The following RGS22 variants were observed in gnomAD, a reference collection of about 807,000 sequenced individuals.
RGS22 encodes the protein regulator of G protein signaling 22, also known as regulator of G-protein signaling 22.
A neutral mutation model predicts 172.9 loss-of-function variants in RGS22; 148 were observed. The ratio of observed to expected loss-of-function variants is 0.86; its 90% CI spans 0.75 to 0.98. The LOEUF (loss-of-function observed/expected upper bound fraction) is 0.98. Ranked by LOEUF, RGS22 falls within the 50% of genes least tolerant of loss-of-function variation. The pLI is 0.00. For synonymous variants in RGS22, 458 were observed against 480.2 expected, an observed-to-expected ratio of 0.95 and a Z score of 0.60; for missense variants, 1,347 against 1,440.8, an observed-to-expected ratio of 0.93 and a Z score of 1.05.
chr8:100,012,970 C>T (rs953482550), intron 14 of RGS22, among the ~76,000 whole-genome samples: 7 of 147,532 alleles, frequency 4.7e-5, no homozygotes, highest in African/African-American at 1.0e-4. Flanking sequence ...ATCAGGATAA[C>T]GCCTTTGATT....
At chr8:100,052,647 A>T (rs72676292) in intron 10 of RGS22, among the ~76,000 whole-genome samples, 155 bp downstream of exon 10, 4,017 of 152,262 alleles carry the variant, frequency 0.026, 94 homozygotes, top group South Asian at 0.12. Flanking sequence ...GGTAGAGAAC[A>T]GACTGTAGGT....
chr8:100,090,612 T>TA (rs1812504285), intron 3 of RGS22, among the ~76,000 whole-genome samples: 1 of 152,148 alleles, frequency 6.6e-6, no homozygotes, highest in Non-Finnish European at 1.5e-5. Flanking sequence ...CAAAGCACTA[T>TA]AAGTGGAGCA....
chr8:100,080,173 G>A lies in RGS22; in HGVS notation c.300C>T (p.Pro100=), dbSNP rs377393990. 68 of 1,612,148 alleles carry A rather than the reference G, an allele frequency of 4.2e-5. No individual in the cohort carries two copies. In the African/African-American group the frequency reaches 8.0e-4, roughly 19 times the overall value. ...TGACATTAATGGTCTCATCTTCATC[G>A]GGGGCATTCATTTGAACAGGTTTAA... ...NEVKPVQMNA[P]DEDETINVNY... Residue 100 remains proline (P), a synonymous_variant, in exon 4 of 28, where the codon CCC becomes CCT. Transcript: ENST00000360863.
At position 100,052,958 on chromosome 8, in the gene RGS22, A is replaced by G. The variant is rs1821838086; in HGVS notation, c.1533T>C (p.Val511=). The G allele has an allele frequency of 6.2e-7, 1 of 1,614,012 alleles. No individual in the cohort carries two copies. The highest frequency in any genetic ancestry group is 8.5e-7 in the Non-Finnish European group (1 of 1,179,940). The stretch of plus-strand genomic sequence containing the variant: ...CATATTTTGTTGAGGCTGAATGAGT[A>G]ACACAGAATCTTGGTGCCCTGTTTA... ...LLLYWAPRFC[V]THSASTKYAS... The change falls in exon 10 of 28, where the codon GTT becomes GTC. Residue 511 remains valine, a synonymous_variant. Transcript: ENST00000360863.
chr8:100,101,339 T>G (rs372689575), intron 2 of RGS22, among the ~76,000 whole-genome samples: 2 of 150,366 alleles, frequency 1.3e-5, no homozygotes, highest in African/African-American at 4.9e-5. Context: ...CAGGCTGGAG[T>G]GTGGTGGCGT....
At chr8:100,047,725 A>G in intron 10 of RGS22, 129 bp from the exon 11 acceptor site, 1 of 756,556 alleles carries the variant, frequency 1.3e-6, no homozygotes, top group Non-Finnish European at 1.9e-6. Flanking sequence ...ATGCTTCCCA[A>G]TAAAATAGAA....
chr8:100,003,639 A>G (rs1330232762), intron 17 of RGS22, among the ~76,000 whole-genome samples: 1 of 152,148 alleles, frequency 6.6e-6, no homozygotes, highest in Non-Finnish European at 1.5e-5. Context: ...AAAGAAAGAA[A>G]CAGTAGAAAA....
chr8:100,008,761 G>A (rs977248664), intron 14 of RGS22, among the ~76,000 whole-genome samples, 192 bp from the exon 15 acceptor site: 1 of 152,044 alleles, frequency 6.6e-6, no homozygotes, highest in Non-Finnish European at 1.5e-5. Context: ...TTTTCCTTTT[G>A]TTTTCCAATT....
At chr8:100,022,596 T>C (rs1282106571) in intron 14 of RGS22, among the ~76,000 whole-genome samples, 1 of 152,182 alleles carries the variant, frequency 6.6e-6, no homozygotes, top group African/African-American at 2.4e-5. Flanking sequence ...ATAAAGGTTT[T>C]ATTTTATAAA....
chr8:100,047,493 C>T lies in RGS22; in HGVS notation c.1793G>A (p.Gly598Asp), dbSNP rs1461795322. Residue 598 changes from glycine to aspartate, a missense_variant, in exon 11 of 28, where the codon GGT (glycine) becomes GAT (aspartate). Gly to Asp is a moderately conservative substitution (Grantham distance 94, BLOSUM62 -1). Transcript: ENST00000360863. ...CTCAATCACATCATCCTTAGAAGAA[C>T]CTGGATACAAAAGCTCCCGCTTCCA... ...KPWKRELLYP[G>D]SSKDDVIEKG... The T allele has an allele frequency of 6.2e-7, 1 of 1,605,516 alleles. No homozygotes were observed. The highest frequency in any genetic ancestry group is 1.7e-5 in the Admixed American group (1 of 58,666).
chr8:99,972,692 C>G (rs757591865), intron 23 of RGS22, among the ~76,000 whole-genome samples: 14 of 152,020 alleles, frequency 9.2e-5, no homozygotes, highest in Non-Finnish European at 1.3e-4. Flanking sequence ...AAAATCAAAA[C>G]CACAATGAGA....
intron 21 of RGS22, among the ~76,000 whole-genome samples, chr8:99,983,827 G>A (rs1219434195): frequency 6.6e-6 from 1 of 152,114 alleles, no homozygotes; most frequent in Non-Finnish European, 1.5e-5. Flanking sequence ...GCTGGGCATT[G>A]TAATAGCTCT....
chr8:100,105,675 G>A (rs1026692560), intron 1 of RGS22: 7 of 570,758 alleles, frequency 1.2e-5, no homozygotes, highest in Non-Finnish European at 2.2e-5. Context: ...ATTATTCTAC[G>A]TACAATATGC....
At chr8:100,025,709 C>T (rs982535518) in intron 14 of RGS22, among the ~76,000 whole-genome samples, 1 of 152,200 alleles carries the variant, frequency 6.6e-6, no homozygotes, top group Non-Finnish European at 1.5e-5. Context: ...AAAAATAAAG[C>T]TGATTATCAG....
At chr8:100,093,617 T>A (rs568156080) in intron 2 of RGS22, 108 bp from the exon 3 acceptor site, 101 of 725,644 alleles carry the variant, frequency 1.4e-4, no homozygotes, top group African/African-American at 5.9e-4. Context: ...GATCTTCAAA[T>A]CTCTTTTAGT....
At chr8:100,072,119 T>C (rs367947360) in intron 5 of RGS22, 26 bp downstream of exon 5, 1 of 1,357,576 alleles carries the variant, frequency 7.4e-7, no homozygotes, top group African/African-American at 1.5e-5. Context: ...TATTTAAAAA[T>C]ACATATATTG....
chr8:100,013,267 G>A (rs754422900), intron 14 of RGS22, among the ~76,000 whole-genome samples: 4 of 152,156 alleles, frequency 2.6e-5, no homozygotes, highest in Non-Finnish European at 5.9e-5. Context: ...TGGATTACAG[G>A]TGTAAGCCAT....
intron 20 of RGS22, 66 bp downstream of exon 20, chr8:99,996,396 G>T: frequency 7.3e-7 from 1 of 1,361,534 alleles, no homozygotes; most frequent in Non-Finnish European, 1.0e-6. Context: ...ACAAGAAAGG[G>T]AAAGAAAAAC....
intron 19 of RGS22, among the ~76,000 whole-genome samples, chr8:99,998,000 G>A (rs1350764): frequency 0.56 from 85,661 of 151,942 alleles, 24,433 homozygotes; most frequent in Admixed American, 0.62. Context: ...TCTGCATCCT[G>A]CTTGTTTTGT....
Sources: allele counts gnomAD v4.1 joint callset (sites outside exome capture counted in the v4.1 genomes callset), GRCh38; gene constraint gnomAD v4.1.1; transcripts MANE v1.5; gene names NCBI Gene and HGNC (gene_info 2026-07-23, HGNC 2026-07-21).